The following ZNF716 variants were observed in gnomAD, a reference collection of about 807,000 sequenced individuals.
ZNF716 encodes the protein zinc finger protein 716.
Under a neutral mutation model 13.4 loss-of-function variants are expected in ZNF716, and 9 were observed. The ratio of observed to expected loss-of-function variants is 0.67; its 90% CI spans 0.41 to 1.18. The LOEUF (loss-of-function observed/expected upper bound fraction) is 1.18. Ranked by LOEUF, ZNF716 falls within the 50% of genes most tolerant of loss-of-function variation. The pLI is 0.01. For missense variants in ZNF716, 581 were observed against 576.6 expected, an observed-to-expected ratio of 1.01 and a Z score of -0.08; for synonymous variants, 186 against 195.2, an observed-to-expected ratio of 0.95 and a Z score of 0.39.
chr7:57,463,286 C>G, intron 3 of ZNF716, 118 bp downstream of exon 3: 1 of 1,392,252 alleles, frequency 7.2e-7, no homozygotes, highest in Non-Finnish European at 9.7e-7. Context: ...TTCTGAGAAG[C>G]CAGAGTCATT....
intron 3 of ZNF716, among the ~76,000 whole-genome samples, chr7:57,466,906 A>G (rs1554324241): frequency 2.0e-5 from 3 of 152,060 alleles, no homozygotes; most frequent in Non-Finnish European, 2.9e-5. Flanking sequence ...CTGATATTAT[A>G]TATGCATATA....
Position 57,469,105 on chromosome 7 carries a change from G to T in ZNF716, c.644G>T (p.Cys215Phe), listed in dbSNP as rs1554324651. 6.2e-7 allele frequency: 1 copy of T among 1,608,290 alleles called. No homozygotes were observed. The change falls in exon 4 of 4, where the codon TGT (cysteine) becomes TTT (phenylalanine). Residue 215 changes from cysteine (C) to phenylalanine (F), a missense_variant. Coordinates refer to ENST00000420713, the MANE Select transcript of ZNF716 (RefSeq NM_001159279.1). ...IIHTREKSYK[C>F]EECGKSFNCS... ...CATACTAGGGAGAAGTCTTACAAAT[G>T]TGAAGAATGTGGCAAATCCTTTAAC...
rs782040915 is a variant in ZNF716, at chr7:57,469,490, G to T, written c.1029G>T (p.Lys343Asn). 4.3e-6 allele frequency: 7 copies of T among 1,612,908 alleles called. No homozygotes were observed. The highest frequency in any genetic ancestry group is 5.9e-6 in the Non-Finnish European group (7 of 1,179,436). ...TATCCTCAACCCTTAAGAAACATAAGATAGTTCATACTGGGGAGAAACTCT... is the reference window on the plus strand; with the variant it reads ...TATCCTCAACCCTTAAGAAACATAATATAGTTCATACTGGGGAGAAACTCT... ...FSLSSTLKKH[K>N]IVHTGEKLYT... Residue 343 changes from lysine to asparagine, a missense_variant, in exon 4 of 4, where the codon AAG becomes AAT. By Grantham distance (94) the Lys-to-Asn change is moderately conservative. Transcript: ENST00000420713.
intron 3 of ZNF716, among the ~76,000 whole-genome samples, chr7:57,465,134 C>A (rs574094699): frequency 6.6e-6 from 1 of 152,062 alleles, no homozygotes; most frequent in Non-Finnish European, 1.5e-5. Context: ...TAAATTTGTT[C>A]ACCACTGTGG....
At chr7:57,464,391 G>A (rs1789768188) in intron 3 of ZNF716, among the ~76,000 whole-genome samples, 1 of 151,882 alleles carries the variant, frequency 6.6e-6, no homozygotes, top group Non-Finnish European at 1.5e-5. Flanking sequence ...AAAGTTCTGG[G>A]ATTAAAAGCG....
At chr7:57,457,655 C>A (rs1789624014) in intron 1 of ZNF716, among the ~76,000 whole-genome samples, 1 of 151,964 alleles carries the variant, frequency 6.6e-6, no homozygotes, top group Admixed American at 6.6e-5. Context: ...CATTTTTTTT[C>A]TTTTACCTTT....
chr7:57,454,557 C>G (rs1220498629), intron 1 of ZNF716, among the ~76,000 whole-genome samples: 1 of 152,114 alleles, frequency 6.6e-6, no homozygotes, highest in African/African-American at 2.4e-5. Context: ...ATGGAAGAAG[C>G]CTTTATACTG....
intron 3 of ZNF716, among the ~76,000 whole-genome samples, chr7:57,464,122 C>CTTT (rs71065117): frequency 1.2e-4 from 15 of 125,850 alleles, no homozygotes; most frequent in African/African-American, 4.5e-4. Context: ...TTTCTTTTTT[C>CTTT]TTTTTTTTTT....
chr7:57,467,381 C>G (rs1166655015), intron 3 of ZNF716, among the ~76,000 whole-genome samples: 6 of 152,020 alleles, frequency 3.9e-5, no homozygotes, highest in Non-Finnish European at 7.4e-5. Context: ...GACCTCTTTT[C>G]AGCATTTTAT....
chr7:57,462,270 C>G (rs138696224), intron 1 of ZNF716, 190 bp from the exon 2 acceptor site: 2 of 638,680 alleles, frequency 3.1e-6, no homozygotes, highest in African/African-American at 1.8e-5. Context: ...ATCCTCTTTT[C>G]TCAGTTAGAG....
At position 57,469,689 on chromosome 7, in the gene ZNF716, T is replaced by G. The variant is rs1789888493; in HGVS notation, c.1228T>G (p.Cys410Gly). ...RTHTGEKPYK[C>G]EECGKAFNCS... Reference sequence around the variant, plus strand: ...TCATACTGGAGAGAAACCCTACAAATGTGAAGAATGTGGCAAAGCCTTTAA... The same window carrying G: ...TCATACTGGAGAGAAACCCTACAAAGGTGAAGAATGTGGCAAAGCCTTTAA... Residue 410 changes from cysteine (C) to glycine (G), a missense_variant, in exon 4 of 4, where the codon TGT (cysteine) becomes GGT (glycine). Coordinates refer to ENST00000420713, the MANE Select transcript of ZNF716 (RefSeq NM_001159279.1). 2.5e-6 allele frequency: 4 copies of G among 1,611,608 alleles called. No individual in the cohort carries two copies. Among genetic ancestry groups the G allele is most frequent in the Non-Finnish European group, 3.4e-6 (4 of 1,178,138 alleles).
At chr7:57,465,832 A>G (rs1413119394) in intron 3 of ZNF716, among the ~76,000 whole-genome samples, 2 of 152,206 alleles carry the variant, frequency 1.3e-5, no homozygotes, top group African/African-American at 4.8e-5. Flanking sequence ...GCACATACAC[A>G]CCATGGTATG....
intron 3 of ZNF716, among the ~76,000 whole-genome samples, chr7:57,463,614 T>A (rs769854741): frequency 6.6e-6 from 1 of 151,802 alleles, no homozygotes; most frequent in African/African-American, 2.4e-5. Flanking sequence ...TCTGTTTTTA[T>A]TACTATAGCC....
intron 3 of ZNF716, among the ~76,000 whole-genome samples, 193 bp downstream of exon 3, chr7:57,463,361 A>G (rs1364222557): frequency 1.3e-5 from 2 of 152,188 alleles, no homozygotes; most frequent in Non-Finnish European, 2.9e-5. Context: ...TAAGGATTCT[A>G]CTTTCGGTTT....
intron 1 of ZNF716, among the ~76,000 whole-genome samples, chr7:57,453,263 C>T (rs919988221): frequency 1.3e-5 from 2 of 152,106 alleles, no homozygotes; most frequent in African/African-American, 2.4e-5. Flanking sequence ...GCAGTGTCTC[C>T]TGGAGTGGTT....
intron 3 of ZNF716, among the ~76,000 whole-genome samples, chr7:57,466,346 C>T (rs1181475016): frequency 2.0e-5 from 3 of 152,066 alleles, no homozygotes; most frequent in African/African-American, 7.2e-5. Flanking sequence ...GTTGTTCCCT[C>T]CAAATCTCAT....
At chr7:57,459,155 A>G (rs181774689) in intron 1 of ZNF716, among the ~76,000 whole-genome samples, 17 of 152,334 alleles carry the variant, frequency 1.1e-4, no homozygotes, top group Non-Finnish European at 1.0e-4. Flanking sequence ...TAAACATAAG[A>G]AGAAATGAAA....
chr7:57,464,192 G>A (rs182759026), intron 3 of ZNF716, among the ~76,000 whole-genome samples: 1 of 135,060 alleles, frequency 7.4e-6, no homozygotes, highest in African/African-American at 2.8e-5. Context: ...TGCAATTTTG[G>A]CTCATGGCAA....
At chr7:57,453,271 G>A (rs1789529036) in intron 1 of ZNF716, among the ~76,000 whole-genome samples, 1 of 152,134 alleles carries the variant, frequency 6.6e-6, no homozygotes, top group Non-Finnish European at 1.5e-5. Flanking sequence ...TCCTGGAGTG[G>A]TTGTCCTTGA....
Sources: gnomAD v4.1 joint callset for allele counts (sites outside exome capture counted in the v4.1 genomes callset) on GRCh38, gnomAD v4.1.1 for gene constraint, MANE v1.5 for transcripts, NCBI Gene and HGNC (gene_info 2026-07-23, HGNC 2026-07-21) for gene names.